MCTP1: variants seen among roughly 807,000 people sequenced by gnomAD.
MCTP1 encodes the protein multiple C2 and transmembrane domain-containing protein 1.
MCTP1 carries 69 observed loss-of-function variants against 120.6 expected under a neutral mutation model. That is an observed-to-expected ratio of 0.57 (90% CI 0.47 to 0.70). The LOEUF is 0.70. MCTP1 is among the 30% of genes least tolerant of loss of function. MCTP1 has a pLI of 0.00. For missense variants in MCTP1, 1,203 were observed against 1,248.8 expected, an observed-to-expected ratio of 0.96 and a Z score of 0.55; for synonymous variants, 529 against 493.1, an observed-to-expected ratio of 1.07 and a Z score of -0.96.
intron 4 of MCTP1, among the ~76,000 whole-genome samples, chr5:94,941,258 CATG>C (rs35424965): frequency 0.26 from 40,125 of 151,700 alleles, 5,992 homozygotes; most frequent in Admixed American, 0.36. Context: ...GCTCAGTTTT[CATG>C]ATAATAGACT....
chr5:94,710,055 G>A (rs1232465728), intron 21 of MCTP1: 2 of 152,066 alleles, frequency 1.3e-5, no homozygotes, highest in Non-Finnish European at 2.9e-5. Context: ...AGCAGGTGAG[G>A]GGTAAGTAGA....
At chr5:95,025,354 T>C (rs1328723726) in intron 1 of MCTP1, among the ~76,000 whole-genome samples, 2 of 152,178 alleles carry the variant, frequency 1.3e-5, no homozygotes, top group African/African-American at 4.8e-5. Context: ...TTGGAAAAAC[T>C]ATATATCCAC....
chr5:95,272,406 T>A (rs1463984989), intron 1 of MCTP1, among the ~76,000 whole-genome samples: 1 of 152,136 alleles, frequency 6.6e-6, no homozygotes, highest in Non-Finnish European at 1.5e-5. Context: ...CTAAATAATA[T>A]ACCACCTGGA....
intron 1 of MCTP1, among the ~76,000 whole-genome samples, chr5:95,275,214 A>G (rs755644424): frequency 1.3e-5 from 2 of 152,228 alleles, no homozygotes; most frequent in African/African-American, 2.4e-5. Context: ...CATGCCAGAG[A>G]TATATTTTAT....
At chr5:95,153,887 C>G (rs1237675645) in intron 1 of MCTP1, among the ~76,000 whole-genome samples, 1 of 152,052 alleles carries the variant, frequency 6.6e-6, no homozygotes, top group Non-Finnish European at 1.5e-5. Flanking sequence ...TAATTAGAGG[C>G]CTTTGAATGA....
chr5:95,223,057 C>T (rs1415648497), intron 1 of MCTP1, among the ~76,000 whole-genome samples: 1 of 152,184 alleles, frequency 6.6e-6, no homozygotes, highest in Non-Finnish European at 1.5e-5. Context: ...GGATGAGGCC[C>T]ACCCTCATTA....
chr5:94,863,629 GA>G (rs1447873466), intron 17 of MCTP1, among the ~76,000 whole-genome samples: 1 of 151,790 alleles, frequency 6.6e-6, no homozygotes, highest in Non-Finnish European at 1.5e-5. Context: ...CCTTGATCAC[GA>G]AAGACACTTT....
chr5:94,846,666 A>G (rs1792448231), intron 17 of MCTP1, among the ~76,000 whole-genome samples: 1 of 152,164 alleles, frequency 6.6e-6, no homozygotes. Flanking sequence ...TTTTTAAAAA[A>G]GAATAACCTG....
At chr5:95,058,199 AT>A (rs1747938968) in intron 1 of MCTP1, among the ~76,000 whole-genome samples, 1 of 152,232 alleles carries the variant, frequency 6.6e-6, no homozygotes, top group Non-Finnish European at 1.5e-5. Context: ...TACATAAATT[AT>A]TTATGATTGA....
rs549837994 is a variant in MCTP1 at position 95,173,707 on chromosome 5, T to C, written c.720+110149A>G. On this transcript the variant is annotated intron_variant, in intron 1 of 22. Coordinates refer to ENST00000515393, the MANE Select transcript of MCTP1 (RefSeq NM_024717.7). Reference sequence around the variant, plus strand: ...AGTATTTTAGTGCTTAACTCTTAAGTATGAGCACAGAGACAAGAATCATCA... The same window carrying C: ...AGTATTTTAGTGCTTAACTCTTAAGCATGAGCACAGAGACAAGAATCATCA... 4.6e-5 allele frequency among the ~76,000 whole-genome samples: 7 copies of C among 152,040 alleles called. No individual in the cohort carries two copies. The South Asian group carries it at 1.5e-3, about 32-fold the overall frequency.
At chr5:95,189,484 A>T (rs1251657359) in intron 1 of MCTP1, among the ~76,000 whole-genome samples, 1 of 152,192 alleles carries the variant, frequency 6.6e-6, no homozygotes, top group African/African-American at 2.4e-5. Flanking sequence ...AAGTGTCGGT[A>T]TGGTTGTAAG....
In MCTP1 at chr5:95,215,729, A is replaced by G. The variant is rs573104190; in HGVS notation, c.720+68127T>C. On this transcript the variant is annotated intron_variant, in intron 1 of 22. Transcript: ENST00000515393. ...TATCTTGTAACCATAAGAAGGCCAC[A>G]AAGAATAGGGTAAAAAAAATTTGAA... Among the ~76,000 whole-genome samples the G allele has an allele frequency of 2.7e-4, 41 of 152,256 alleles. No individual in the cohort carries two copies. In the South Asian group the frequency reaches 8.5e-3, roughly 32 times the overall value.
At chr5:94,973,591 A>G (rs1461497436) in intron 2 of MCTP1, among the ~76,000 whole-genome samples, 2 of 152,190 alleles carry the variant, frequency 1.3e-5, no homozygotes, top group Non-Finnish European at 2.9e-5. Context: ...CAAGTGCTCA[A>G]TAAATATTTG....
At chr5:95,110,967 T>G (rs1217088294) in intron 1 of MCTP1, among the ~76,000 whole-genome samples, 1 of 152,182 alleles carries the variant, frequency 6.6e-6, no homozygotes, top group Non-Finnish European at 1.5e-5. Flanking sequence ...TCTTTCCCAG[T>G]AGTAGGCTCC....
intron 1 of MCTP1, among the ~76,000 whole-genome samples, chr5:95,170,244 G>C (rs1045497495): frequency 6.6e-6 from 1 of 152,212 alleles, no homozygotes; most frequent in Non-Finnish European, 1.5e-5. Flanking sequence ...TTCATCCAGA[G>C]TTCTAGTTTG....
chr5:95,140,585 G>T (rs760134961), intron 1 of MCTP1, among the ~76,000 whole-genome samples: 1 of 151,272 alleles, frequency 6.6e-6, no homozygotes, highest in African/African-American at 2.4e-5. Context: ...ACGGCCGGGC[G>T]CGATGGCTCA....
At chr5:94,743,344 G>A (rs918070031) in intron 19 of MCTP1, among the ~76,000 whole-genome samples, 1 of 150,070 alleles carries the variant, frequency 6.7e-6, no homozygotes, top group Non-Finnish European at 1.5e-5. Context: ...TCTATGATAT[G>A]CCAAGCACTG....
intron 1 of MCTP1, among the ~76,000 whole-genome samples, chr5:95,026,035 G>A (rs1057228708): frequency 6.6e-6 from 1 of 152,226 alleles, no homozygotes; most frequent in South Asian, 2.1e-4. Context: ...AGATATAAAG[G>A]TGCTGGTAAA....
intron 19 of MCTP1, among the ~76,000 whole-genome samples, chr5:94,741,224 G>A (rs184921333): frequency 7.9e-5 from 12 of 152,128 alleles, no homozygotes; most frequent in Admixed American, 5.9e-4. Flanking sequence ...ATATGTCATC[G>A]AAAATATTTG....
Sources: allele counts gnomAD v4.1 joint callset (sites outside exome capture counted in the v4.1 genomes callset), GRCh38; gene constraint gnomAD v4.1.1; transcripts MANE v1.5; gene names NCBI Gene and HGNC (gene_info 2026-07-23, HGNC 2026-07-21).